ZGPAT: variants seen among roughly 807,000 people sequenced by gnomAD.
The protein encoded by ZGPAT is zinc finger CCCH-type and G-patch domain containing, also known as zinc finger CCCH-type with G patch domain-containing protein.
ZGPAT carries 39 observed loss-of-function variants against 47.9 expected under a neutral mutation model. That is an observed-to-expected ratio of 0.81 (90% CI 0.63 to 1.06). The LOEUF (loss-of-function observed/expected upper bound fraction) is 1.06. Among genes scored for constraint, ZGPAT ranks in the 50% least tolerant of loss-of-function variants. ZGPAT has a pLI of 0.00. For synonymous variants in ZGPAT, 348 were observed against 292.9 expected, an observed-to-expected ratio of 1.19 and a Z score of -1.92; for missense variants, 717 against 681.4, an observed-to-expected ratio of 1.05 and a Z score of -0.58.
chr20:63,708,780 A>G lies in ZGPAT; in HGVS notation c.200A>G (p.Asp67Gly). The change falls in exon 2 of 7, where the codon GAC becomes GGC. Residue 67 changes from aspartate (D) to glycine (G), a missense_variant. Asp to Gly is a moderately conservative substitution (Grantham distance 94). Coordinates refer to ENST00000355969, the MANE Select transcript of ZGPAT (RefSeq NM_181485.3). ...AAGAGCAGCTTGTTGGCCGCGCTGG[A>G]CGAAGAGCGCCCGGGCCGCCAGGAA... ...VRKSSLLAAL[D>G]EERPGRQEDA... The G allele has an allele frequency of 6.2e-7, 1 of 1,607,838 alleles. No individual in the cohort carries two copies. The highest frequency in any genetic ancestry group is 8.5e-7 in the Non-Finnish European group (1 of 1,175,864).
chr20:63,734,304 T>C (rs1028471658), intron 4 of ZGPAT: 2 of 298,372 alleles, frequency 6.7e-6, no homozygotes, highest in African/African-American at 4.3e-5. Flanking sequence ...TACCCAGGGA[T>C]CAGTGATGGT....
chr20:63,712,122 G>T, intron 2 of ZGPAT, among the ~76,000 whole-genome samples: 1 of 152,150 alleles, frequency 6.6e-6, no homozygotes, highest in East Asian at 1.9e-4. Context: ...TCTTCTAAGA[G>T]TTCTGTAGTT....
At chr20:63,714,406 A>G (rs1434059864) in intron 2 of ZGPAT, among the ~76,000 whole-genome samples, 1 of 141,386 alleles carries the variant, frequency 7.1e-6, no homozygotes, top group Non-Finnish European at 1.5e-5. Flanking sequence ...AGCCTGGACG[A>G]CAGAGCAAGA....
chr20:63,735,946 C>A lies in ZGPAT; in HGVS notation c.*27C>A. On this transcript the variant is annotated 3_prime_UTR_variant, in exon 7 of 7. Transcript: ENST00000355969. ...GACCCCACAAGCACTATGGACGAAGCGTGGGACCCCAGCACGGGCTGCCCT... is the reference window on the plus strand; with the variant it reads ...GACCCCACAAGCACTATGGACGAAGAGTGGGACCCCAGCACGGGCTGCCCT... The A allele has an allele frequency of 6.3e-7, 1 of 1,594,786 alleles. No homozygotes were observed. Among genetic ancestry groups the A allele is most frequent in the South Asian group, 1.1e-5 (1 of 89,500 alleles).
At chr20:63,716,975 C>T (rs4809328) in intron 2 of ZGPAT, among the ~76,000 whole-genome samples, 105,189 of 152,008 alleles carry the variant, frequency 0.69, 36,771 homozygotes, top group Middle Eastern at 0.74. Flanking sequence ...AGCCACCATG[C>T]CCAGCCAGTT....
At position 63,713,616 on chromosome 20, in the gene ZGPAT, A is replaced by C. The variant is rs948710328; in HGVS notation, c.584+4452A>C. Among the ~76,000 whole-genome samples the C allele has an allele frequency of 2.7e-5, 4 of 149,940 alleles. No individual in the cohort carries two copies. In the East Asian group the frequency reaches 8.2e-4, roughly 31 times the overall value. Reference sequence around the variant, plus strand: ...CTGGGCACCGTGGCTCACGCCTGTAATCCCAGCACTTTGGGAGGCCAAGGC... The same window carrying C: ...CTGGGCACCGTGGCTCACGCCTGTACTCCCAGCACTTTGGGAGGCCAAGGC... On this transcript the variant is annotated intron_variant, in intron 2 of 6. Coordinates refer to ENST00000355969, the MANE Select transcript of ZGPAT (RefSeq NM_181485.3).
At chr20:63,720,526 A>G (rs1457542019) in intron 2 of ZGPAT, among the ~76,000 whole-genome samples, 1 of 151,976 alleles carries the variant, frequency 6.6e-6, no homozygotes, top group Non-Finnish European at 1.5e-5. Context: ...ACCCTGGCAC[A>G]CTGCAGCCTT....
chr20:63,713,955 A>AT (rs1287994917), intron 2 of ZGPAT, among the ~76,000 whole-genome samples: 2 of 151,740 alleles, frequency 1.3e-5, no homozygotes, highest in Non-Finnish European at 2.9e-5. Flanking sequence ...TGCTAATAGG[A>AT]TTTTTTATGC....
intron 2 of ZGPAT, 138 bp from the exon 3 acceptor site, chr20:63,733,071 CGTGAGTGTGT>C: frequency 5.6e-5 from 56 of 994,814 alleles, no homozygotes; most frequent in Non-Finnish European, 8.1e-5. Context: ...TATGTGTGTG[CGTGAGTGTGT>C]GAGAGTGTGT....
rs755222790 is a variant in ZGPAT, at chr20:63,735,851, G to A, written c.1468G>A (p.Ala490Thr). The A allele has an allele frequency of 2.5e-6, 4 of 1,612,686 alleles. No individual in the cohort carries two copies. In the African/African-American group the frequency reaches 5.3e-5, roughly 22 times the overall value. The change falls in exon 7 of 7, where the codon GCT (alanine) becomes ACT (threonine). Residue 490 changes from alanine (A) to threonine (T), a missense_variant. By Grantham distance (58) the Ala-to-Thr change is moderately conservative. Transcript: ENST00000355969. ...GAQRQLGQLRAQEAGLQQEQR... is the reference protein window; with the variant it reads ...GAQRQLGQLRTQEAGLQQEQR... ...CCAGCGCCAGCTGGGGCAGCTCCGG[G>A]CTCAGGAAGCCGGCCTGCAGCAGGA...
At chr20:63,731,903 G>T (rs1021880703) in intron 2 of ZGPAT, among the ~76,000 whole-genome samples, 2 of 152,228 alleles carry the variant, frequency 1.3e-5, no homozygotes, top group African/African-American at 4.8e-5. Flanking sequence ...GTAATCTAGG[G>T]ATGATTTAAA....
chr20:63,708,560 C>T lies in ZGPAT; in HGVS notation c.-21C>T. 2 of 1,565,140 alleles carry T rather than the reference C, an allele frequency of 1.3e-6. No individual in the cohort carries two copies. The highest frequency in any genetic ancestry group is 2.3e-5 in the East Asian group (1 of 44,182). On this transcript the variant is annotated 5_prime_UTR_variant, in exon 2 of 7. Transcript: ENST00000355969. ...TGGCTTCTCTTCTTGCAGCCCTGGT[C>T]CAGCGCCTCCCTCTCTCAGCATGGA... is the stretch of plus-strand genomic sequence containing the variant.
chr20:63,734,031 C>T, intron 4 of ZGPAT: 1 of 421,170 alleles, frequency 2.4e-6, no homozygotes, highest in Non-Finnish European at 4.3e-6. Flanking sequence ...CAGAAAATGA[C>T]CAACTGATGG....
chr20:63,731,360 T>TG (rs2091899632), intron 2 of ZGPAT, among the ~76,000 whole-genome samples: 1 of 138,054 alleles, frequency 7.2e-6, no homozygotes, highest in African/African-American at 2.8e-5. Context: ...GTGTGTGAGA[T>TG]TGTGTATGTG....
chr20:63,709,968 C>G (rs2091645730), intron 2 of ZGPAT, among the ~76,000 whole-genome samples: 1 of 152,112 alleles, frequency 6.6e-6, no homozygotes, highest in African/African-American at 2.4e-5. Context: ...TCACGCCATT[C>G]TCCTGCCTCA....
intron 2 of ZGPAT, among the ~76,000 whole-genome samples, chr20:63,728,340 A>G (rs1761456626): frequency 6.6e-6 from 1 of 152,036 alleles, no homozygotes; most frequent in Non-Finnish European, 1.5e-5. Context: ...ACGGCCTTAA[A>G]TTCTATTTTT....
In ZGPAT at chr20:63,708,914, G is replaced by A; in HGVS notation, c.334G>A (p.Glu112Lys). The change falls in exon 2 of 7, where the codon GAA (glutamate) becomes AAA (lysine). Residue 112 changes from glutamate (E) to lysine (K), a missense_variant. Physicochemically the swap from Glu to Lys is moderately conservative, Grantham distance 56. Coordinates refer to ENST00000355969, the MANE Select transcript of ZGPAT (RefSeq NM_181485.3). ...ETVPKAEAGP[E>K]SAAGGQEEEE... ...CGTTCCTAAAGCAGAGGCGGGGCCA[G>A]AATCTGCGGCAGGTGGGCAGGAGGA... 1 of 1,612,280 alleles carries A rather than the reference G, an allele frequency of 6.2e-7. No homozygotes were observed. The highest frequency in any genetic ancestry group is 1.6e-4 in the Middle Eastern group (1 of 6,062).
intron 2 of ZGPAT, among the ~76,000 whole-genome samples, chr20:63,714,001 A>G (rs560519150): frequency 1.3e-5 from 2 of 152,260 alleles, no homozygotes; most frequent in African/African-American, 2.4e-5. Flanking sequence ...AATCATATAT[A>G]TTCAATATAT....
intron 2 of ZGPAT, among the ~76,000 whole-genome samples, chr20:63,712,392 A>T (rs902257078): frequency 6.6e-6 from 1 of 152,188 alleles, no homozygotes; most frequent in African/African-American, 2.4e-5. Context: ...TCTGATTATT[A>T]TAGCTTTGTG....
Sources: allele counts gnomAD v4.1 joint callset (sites outside exome capture counted in the v4.1 genomes callset), GRCh38; gene constraint gnomAD v4.1.1; transcripts MANE v1.5; gene names NCBI Gene and HGNC (gene_info 2026-07-23, HGNC 2026-07-21).